The following APAF1 variants were observed in gnomAD, a reference collection of about 807,000 sequenced individuals.
APAF1 encodes apoptotic peptidase activating factor 1, also known as apoptotic protease-activating factor 1.
In APAF1, 91 loss-of-function variants were observed where a neutral mutation model predicts 152.4. That is an observed-to-expected ratio of 0.60 (90% CI 0.50 to 0.71). The LOEUF (loss-of-function observed/expected upper bound fraction) is 0.71, where lower values mean the gene tolerates loss of function less well. APAF1 is among the 30% of genes least tolerant of loss of function. The pLI, the probability that APAF1 is intolerant of heterozygous loss-of-function variation, is 0.00. For synonymous variants in APAF1, 484 were observed against 494.1 expected (o/e 0.98, Z 0.27); for missense variants, 1,283 against 1,472.0 (o/e 0.87, Z 2.10).
At chr12:98,686,982 T>G in intron 16 of APAF1, 109 bp downstream of exon 16, 1 of 1,107,996 alleles carries the variant, frequency 9.0e-7, no homozygotes, top group Non-Finnish European at 1.3e-6. Context: ...AGAGCCTGCT[T>G]CTTTCAATTT....
chr12:98,702,827 G>A (rs1477821533), intron 17 of APAF1, among the ~76,000 whole-genome samples: 1 of 145,696 alleles, frequency 6.9e-6, no homozygotes, highest in Non-Finnish European at 1.5e-5. Flanking sequence ...GGCAACAAGA[G>A]CAGAAGTCTG....
intron 4 of APAF1, among the ~76,000 whole-genome samples, chr12:98,652,153 A>G (rs147908953): frequency 1.3e-5 from 2 of 152,140 alleles, no homozygotes; most frequent in African/African-American, 2.4e-5. Flanking sequence ...GGTTTTTGCT[A>G]TCTTGTCCAG....
Position 98,686,808 on chromosome 12 carries a change from A to C in APAF1, c.2239A>C (p.Asn747His). The C allele has an allele frequency of 2.5e-6, 4 of 1,613,922 alleles. No homozygotes were observed. The highest frequency in any genetic ancestry group is 3.4e-6 in the Non-Finnish European group (4 of 1,179,872). Residue 747 changes from asparagine (N) to histidine (H), a missense_variant, in exon 16 of 27, where the codon AAT (asparagine) becomes CAT (histidine). Physicochemically the swap from Asn to His is moderately conservative, Grantham distance 68 (BLOSUM62 1). Transcript: ENST00000551964. ...NTMFGHTNSVNHCRFSPDDKL... is the reference protein window; with the variant it reads ...NTMFGHTNSVHHCRFSPDDKL... ...CATGTTTGGTCATACAAATTCAGTC[A>C]ATCACTGCAGATTTTCACCAGATGA...
rs201473140 is a variant in APAF1 at position 98,715,280 on chromosome 12, A to G, written c.2959-147A>G. The G allele has an allele frequency of 4.0e-5, 10 of 251,318 alleles. No homozygotes were observed. The East Asian group carries it at 5.4e-4, about 14-fold the overall frequency. 15.6% of individuals were successfully genotyped at this position (251,318 alleles called of 1,614,324 possible). A position where few individuals can be genotyped will look rare whatever the true frequency, so the allele number is the denominator to read the frequency against. ...TATATATATATATATATATATATAT[A>G]TGACATTCATTTGTTTTTAATTAGG... On this transcript the variant is annotated intron_variant, in intron 21 of 26. Transcript: ENST00000551964.
rs758201221 is a variant in APAF1 at position 98,649,478 on chromosome 12, G to A, written c.329-9G>A. On this transcript the variant is annotated splice_polypyrimidine_tract_variant and intron_variant, in intron 3 of 26. Coordinates refer to ENST00000551964, the MANE Select transcript of APAF1 (RefSeq NM_181861.2). ...TATTCATTCATGCTTGTTTTGTTTT[G>A]GATTTTAGTAAGGACAGTCCTGTGT... 3 of 1,613,730 alleles carry A rather than the reference G, an allele frequency of 1.9e-6. No homozygotes were observed. Among genetic ancestry groups the A allele is most frequent in the Non-Finnish European group, 2.5e-6 (3 of 1,179,662 alleles).
intron 19 of APAF1, among the ~76,000 whole-genome samples, chr12:98,707,064 T>C (rs140629032): frequency 6.0e-4 from 92 of 152,328 alleles, no homozygotes; most frequent in Non-Finnish European, 1.0e-3. Flanking sequence ...AAGTCTTCTT[T>C]CTTGCTTTTC....
chr12:98,670,487 A>G (rs560118532), intron 10 of APAF1, among the ~76,000 whole-genome samples: 6 of 152,194 alleles, frequency 3.9e-5, no homozygotes, highest in African/African-American at 1.4e-4. Context: ...CTATAAAAAT[A>G]AGGATTGAAG....
At chr12:98,678,631 A>T (rs2097689053) in intron 13 of APAF1, among the ~76,000 whole-genome samples, 1 of 152,228 alleles carries the variant, frequency 6.6e-6, no homozygotes, top group South Asian at 2.1e-4. Flanking sequence ...CGGTGGCTGC[A>T]GACTCAGGCA....
intron 22 of APAF1, among the ~76,000 whole-genome samples, chr12:98,715,978 TA>T (rs1342580005): frequency 6.6e-6 from 1 of 152,234 alleles, no homozygotes; most frequent in Non-Finnish European, 1.5e-5. Context: ...TGGTTTGACA[TA>T]ATAAAGAATT....
rs1171765817 is a variant in APAF1 at position 98,696,558 on chromosome 12, G to A, written c.2305-2850G>A. ...AATAAACCATCTCCAAACCATAGCA[G>A]AGCTGTATGTGTTCTCTGCATCTTT... is the stretch of plus-strand genomic sequence containing the variant. On this transcript the variant is annotated intron_variant, in intron 16 of 26. Transcript: ENST00000551964. Among the ~76,000 whole-genome samples, 3 of 152,284 alleles carry A rather than the reference G, an allele frequency of 2.0e-5. No homozygotes were observed. The East Asian group carries it at 5.8e-4, about 29-fold the overall frequency.
chr12:98,671,144 T>G, intron 11 of APAF1, 58 bp downstream of exon 11: 1 of 1,065,434 alleles, frequency 9.4e-7, no homozygotes, highest in Non-Finnish European at 1.4e-6. Context: ...TTTTTTACAT[T>G]TAATTCTAGA....
intron 25 of APAF1, chr12:98,726,569 C>T (rs1335275898): frequency 6.5e-6 from 1 of 153,474 alleles, no homozygotes; most frequent in Non-Finnish European, 1.4e-5. Flanking sequence ...AAGTAACCAA[C>T]CTTCTCTCTA....
At chr12:98,723,459 C>G (rs549993049) in intron 23 of APAF1, 147 bp downstream of exon 23, 110 of 1,030,184 alleles carry the variant, frequency 1.1e-4, no homozygotes, top group Admixed American at 2.2e-4. Flanking sequence ...ATTGCAGTCA[C>G]CTACATCTGC....
At chr12:98,656,204 C>T (rs2097657395) in intron 4 of APAF1, among the ~76,000 whole-genome samples, 1 of 152,188 alleles carries the variant, frequency 6.6e-6, no homozygotes, top group Admixed American at 6.5e-5. Context: ...CTGGGAGCCA[C>T]CGTGCCAGGC....
chr12:98,696,028 CT>C (rs1212970960), intron 16 of APAF1, among the ~76,000 whole-genome samples: 1 of 152,188 alleles, frequency 6.6e-6, no homozygotes, highest in Non-Finnish European at 1.5e-5. Context: ...CTCCATTTTC[CT>C]TCGCCTTGTG....
chr12:98,726,066 A>C (rs2097750102), intron 25 of APAF1, among the ~76,000 whole-genome samples: 1 of 152,198 alleles, frequency 6.6e-6, no homozygotes, highest in African/African-American at 2.4e-5. Flanking sequence ...GGGGCAGCGA[A>C]GGGCTCCTAA....
In APAF1 at chr12:98,648,427, C is replaced by G. The variant is rs1016681790; in HGVS notation, c.68C>G (p.Ser23Cys). ...REALEKDIKT[S>C]YIMDHMISDG... ...GCTCTGGAAAAGGACATCAAGACAT[C>G]CTACATCATGGATCACATGATTAGT... The change falls in exon 2 of 27, where the codon TCC becomes TGC. Residue 23 changes from serine to cysteine, a missense_variant. Coordinates refer to ENST00000551964, the MANE Select transcript of APAF1 (RefSeq NM_181861.2). The G allele has an allele frequency of 6.2e-7, 1 of 1,614,010 alleles. No individual in the cohort carries two copies.
At chr12:98,722,033 C>A (rs2097743716) in intron 22 of APAF1, among the ~76,000 whole-genome samples, 1 of 152,176 alleles carries the variant, frequency 6.6e-6, no homozygotes, top group Admixed American at 6.5e-5. Context: ...GGGGCTGTTT[C>A]TTTGGATACC....
rs1565901817 is a variant in APAF1 at position 98,732,511 on chromosome 12, C to T, written c.3692C>T (p.Thr1231Ile). 2.5e-6 allele frequency: 4 copies of T among 1,579,800 alleles called. No homozygotes were observed. Among genetic ancestry groups the T allele is most frequent in the Non-Finnish European group, 3.5e-6 (4 of 1,148,770 alleles). Residue 1231 changes from threonine (T) to isoleucine (I), a missense_variant, in exon 27 of 27, where the codon ACA becomes ATA. By Grantham distance (89) the Thr-to-Ile change is moderately conservative. Coordinates refer to ENST00000551964, the MANE Select transcript of APAF1 (RefSeq NM_181861.2). ...KKIHVSPDFK[T>I]YVTVDNLGIL... ...ATACACGTGTCCCCTGACTTCAAAA[C>T]ATATGTGACTGTGGATAATCTTGGT...
Sources: gnomAD v4.1 joint callset for allele counts (sites outside exome capture counted in the v4.1 genomes callset) on GRCh38, gnomAD v4.1.1 for gene constraint, MANE v1.5 for transcripts, NCBI Gene and HGNC (gene_info 2026-07-23, HGNC 2026-07-21) for gene names.